Variants in UBAC2 observed in about 807,000 individuals in gnomAD.
The protein encoded by UBAC2 is UBA domain containing 2, also known as ubiquitin-associated domain-containing protein 2.
In UBAC2, 26 loss-of-function variants were observed where a neutral mutation model predicts 44.0. The ratio of observed to expected loss-of-function variants is 0.59; its 90% CI spans 0.43 to 0.82. The LOEUF (loss-of-function observed/expected upper bound fraction) is 0.82, where lower values mean the gene tolerates loss of function less well. Among genes scored for constraint, UBAC2 ranks in the 40% least tolerant of loss-of-function variants. The probability of loss-of-function intolerance (pLI) is 0.00; values close to 1 mark genes in which losing one functional copy is unlikely to be tolerated. For synonymous variants in UBAC2, 155 were observed against 154.3 expected (o/e 1.00, Z -0.04); for missense variants, 329 against 419.4 (o/e 0.78, Z 1.88).
At chr13:99,343,897 A>ATACCAATAC (rs2044932097) in intron 7 of UBAC2, among the ~76,000 whole-genome samples, 3 of 152,244 alleles carry the variant, frequency 2.0e-5, no homozygotes, top group Non-Finnish European at 4.4e-5. Context: ...TAATACCAGG[A>ATACCAATAC]GAAAAGTTTA....
intron 1 of UBAC2, among the ~76,000 whole-genome samples, chr13:99,232,399 G>GATAGATATATATATAT (rs2043184027): frequency 9.1e-6 from 1 of 109,902 alleles, no homozygotes; most frequent in African/African-American, 2.9e-5. Flanking sequence ...TTAGTTGAGA[G>GATAGATATATATATAT]ATATAGATAT....
chr13:99,326,260 G>A (rs929225050), intron 6 of UBAC2, among the ~76,000 whole-genome samples: 1 of 152,112 alleles, frequency 6.6e-6, no homozygotes, highest in African/African-American at 2.4e-5. Flanking sequence ...ATACCACATT[G>A]TGGTTTTGAT....
At chr13:99,328,477 C>A (rs2044670654) in intron 6 of UBAC2, among the ~76,000 whole-genome samples, 1 of 152,280 alleles carries the variant, frequency 6.6e-6, no homozygotes, top group African/African-American at 2.4e-5. Context: ...TTTGAAACTT[C>A]CAAATTCTCT....
intron 6 of UBAC2, among the ~76,000 whole-genome samples, chr13:99,326,041 T>C (rs967649599): frequency 3.3e-5 from 5 of 152,206 alleles, no homozygotes; most frequent in African/African-American, 1.2e-4. Context: ...TTCATTTCTT[T>C]TGGATGTATA....
chr13:99,261,877 G>A (rs1181364333), intron 4 of UBAC2: 2 of 152,258 alleles, frequency 1.3e-5, no homozygotes, highest in African/African-American at 4.8e-5. Flanking sequence ...TGGGTATACA[G>A]TAGTCCCCTT....
In UBAC2 at chr13:99,314,237, T is replaced by C. The variant is rs747382265; in HGVS notation, c.513+17T>C. On this transcript the variant is annotated intron_variant, in intron 5 of 8. Coordinates refer to ENST00000403766, the MANE Select transcript of UBAC2 (RefSeq NM_001144072.2). ...GGACTGCAGGTACAGTATGCATTTT[T>C]ATGTTCACTTTTCTTTAACCAGATC... The C allele has an allele frequency of 6.3e-7, 1 of 1,586,024 alleles. No homozygotes were observed. Among genetic ancestry groups the C allele is most frequent in the Non-Finnish European group, 8.5e-7 (1 of 1,170,550 alleles).
intron 7 of UBAC2, among the ~76,000 whole-genome samples, chr13:99,355,467 G>A (rs1369060346): frequency 1.3e-5 from 2 of 152,206 alleles, no homozygotes; most frequent in Non-Finnish European, 2.9e-5. Flanking sequence ...CAAGGCCTTG[G>A]CATGCTCTTC....
At chr13:99,208,498 T>C (rs1239677689) in intron 1 of UBAC2, among the ~76,000 whole-genome samples, 3 of 152,264 alleles carry the variant, frequency 2.0e-5, no homozygotes, top group Admixed American at 1.3e-4. Context: ...TCTTAGGTGA[T>C]AGAAGTCTTG....
intron 2 of UBAC2, among the ~76,000 whole-genome samples, chr13:99,241,412 T>G (rs1054194932): frequency 6.6e-6 from 1 of 152,186 alleles, no homozygotes; most frequent in Non-Finnish European, 1.5e-5. Flanking sequence ...AGAATATTAT[T>G]CAACTATAAA....
chr13:99,201,366 A>G, intron 1 of UBAC2: 1 of 1,577,140 alleles, frequency 6.3e-7, no homozygotes, highest in African/African-American at 1.3e-5. Context: ...CCCCACTTGC[A>G]AAGTTCAGCC....
chr13:99,333,872 C>T (rs1399262224), intron 6 of UBAC2, among the ~76,000 whole-genome samples: 1 of 152,136 alleles, frequency 6.6e-6, no homozygotes, highest in African/African-American at 2.4e-5. Context: ...TTAAGAGCTT[C>T]TACCAAATTG....
chr13:99,319,828 C>T (rs1027589287), intron 6 of UBAC2, among the ~76,000 whole-genome samples: 3 of 152,206 alleles, frequency 2.0e-5, no homozygotes, highest in South Asian at 2.1e-4. Context: ...AGAACTGTTG[C>T]GTGACTGAGG....
At chr13:99,352,896 C>T (rs760098772) in intron 7 of UBAC2, among the ~76,000 whole-genome samples, 3 of 152,142 alleles carry the variant, frequency 2.0e-5, no homozygotes, top group Non-Finnish European at 2.9e-5. Flanking sequence ...CCCCTGTGTC[C>T]GGGGTAGGGG....
At chr13:99,201,563 A>G (rs1362112937) in intron 1 of UBAC2, 2 of 1,614,034 alleles carry the variant, frequency 1.2e-6, no homozygotes, top group Non-Finnish European at 1.7e-6. Flanking sequence ...AGCGGTGGTC[A>G]GCAGGTAGGG....
intron 1 of UBAC2, among the ~76,000 whole-genome samples, chr13:99,223,542 G>GTTTTTTTTTT (rs145143990): frequency 3.2e-4 from 20 of 62,444 alleles, no homozygotes; most frequent in East Asian, 5.1e-4. Flanking sequence ...CTCTTTTTCT[G>GTTTTTTTTTT]TTTTTTTTTT....
chr13:99,267,861 G>A (rs1332814819), intron 4 of UBAC2, among the ~76,000 whole-genome samples: 1 of 152,180 alleles, frequency 6.6e-6, no homozygotes, highest in Non-Finnish European at 1.5e-5. Context: ...ACAAACCGCT[G>A]ACACAGTGGC....
intron 1 of UBAC2, among the ~76,000 whole-genome samples, chr13:99,211,807 T>C (rs2042939832): frequency 6.6e-6 from 1 of 152,192 alleles, no homozygotes; most frequent in African/African-American, 2.4e-5. Context: ...GTGATGTTAG[T>C]AGCTCAGGTT....
intron 1 of UBAC2, among the ~76,000 whole-genome samples, chr13:99,233,696 G>A (rs572789144): frequency 6.6e-6 from 1 of 152,164 alleles, no homozygotes; most frequent in East Asian, 1.9e-4. Context: ...GATACAAGGA[G>A]AATGAAGACA....
chr13:99,209,469 C>T (rs1490974776), intron 1 of UBAC2, among the ~76,000 whole-genome samples: 2 of 152,150 alleles, frequency 1.3e-5, no homozygotes, highest in Non-Finnish European at 2.9e-5. Flanking sequence ...CCTGTTTGAT[C>T]ATCTTGTTTT....
Sources: gnomAD v4.1 joint callset for allele counts (sites outside exome capture counted in the v4.1 genomes callset) on GRCh38, gnomAD v4.1.1 for gene constraint, MANE v1.5 for transcripts, NCBI Gene and HGNC (gene_info 2026-07-23, HGNC 2026-07-21) for gene names.